The following ZC3H12B variants were observed in gnomAD, a reference collection of about 807,000 sequenced individuals.
The protein encoded by ZC3H12B is zinc finger CCCH-type containing 12B.
A neutral mutation model predicts 43.9 loss-of-function variants in ZC3H12B; 7 were observed. The observed-to-expected ratio is 0.16, with a 90% CI of 0.09 to 0.30. ZC3H12B has a LOEUF of 0.30. ZC3H12B is among the 10% of genes least tolerant of loss of function. The pLI, the probability that ZC3H12B is intolerant of heterozygous loss-of-function variation, is 1.00. For missense variants in ZC3H12B, 475 were observed against 670.2 expected (o/e 0.71, Z 3.22); for synonymous variants, 222 against 241.7 (o/e 0.92, Z 0.76).
intron 3 of ZC3H12B, among the ~76,000 whole-genome samples, chrX:65,421,302 G>A (rs2067014383): frequency 8.9e-6 from 1 of 112,131 alleles, no homozygotes; most frequent in Admixed American, 9.4e-5. Flanking sequence ...GGTCATGATG[G>A]TAGGAGTAGA....
the ZC3H12B span, among the ~76,000 whole-genome samples, chrX:65,048,983 A>C: frequency 9.0e-6 from 1 of 111,560 alleles, no homozygotes; most frequent in African/African-American, 3.2e-5. Flanking sequence ...TCTTTGGAGA[A>C]ATATCTATTC....
At chrX:65,043,436 A>G in the ZC3H12B span, among the ~76,000 whole-genome samples, 1 of 110,867 alleles carries the variant, frequency 9.0e-6, no homozygotes, top group Non-Finnish European at 1.9e-5. Flanking sequence ...TTATAAAAAT[A>G]TGAAAACATC....
the ZC3H12B span, among the ~76,000 whole-genome samples, chrX:65,126,574 A>G: frequency 6.3e-5 from 7 of 111,137 alleles, no homozygotes; most frequent in African/African-American, 2.0e-4. Flanking sequence ...TATTCCCTCA[A>G]ATATTTTTTT....
the ZC3H12B span, among the ~76,000 whole-genome samples, chrX:65,119,816 T>C: frequency 1.8e-5 from 2 of 112,116 alleles, no homozygotes; most frequent in African/African-American, 6.5e-5. Flanking sequence ...CCTGAATTAA[T>C]TTTTGTATAA....
intron 3 of ZC3H12B, among the ~76,000 whole-genome samples, chrX:65,452,025 T>C (rs751703197): frequency 2.6e-4 from 29 of 111,586 alleles, no homozygotes; most frequent in Non-Finnish European, 4.5e-4. Flanking sequence ...GATTTCAAAG[T>C]AAATCTTGAA....
At chrX:65,120,361 A>T in the ZC3H12B span, among the ~76,000 whole-genome samples, 18 of 111,512 alleles carry the variant, frequency 1.6e-4, no homozygotes, top group South Asian at 6.7e-3. Flanking sequence ...GAGGTTTTTC[A>T]CATCACTTGT....
rs149797342 is a variant in ZC3H12B, at chrX:65,420,664, G to C, written n.407+21960G>C. Among the ~76,000 whole-genome samples the C allele has an allele frequency of 2.2e-4, 24 of 111,438 alleles. No homozygotes were observed. The East Asian group carries it at 6.2e-3, about 29-fold the overall frequency. ...TGCCTGTCAATTGAAGAAGATCAGT[G>C]AGCTCCAAAAGCACACAAATAGACA... On this transcript the variant is annotated intron_variant and non_coding_transcript_variant, in intron 3 of 5. Transcript: ENST00000617377.
the ZC3H12B span, among the ~76,000 whole-genome samples, chrX:65,163,417 C>G: frequency 3.6e-5 from 4 of 111,518 alleles, no homozygotes; most frequent in African/African-American, 1.3e-4. Context: ...CTGTGGTGGG[C>G]TCCACCCAGT....
At chrX:65,450,865 A>G (rs1275565966) in intron 3 of ZC3H12B, among the ~76,000 whole-genome samples, 3 of 90,718 alleles carry the variant, frequency 3.3e-5, no homozygotes, top group Admixed American at 1.3e-4. Flanking sequence ...ATGTGTATAT[A>G]TGTATATATA....
intron 1 of ZC3H12B, among the ~76,000 whole-genome samples, chrX:65,367,105 G>A (rs187132084): frequency 8.9e-6 from 1 of 112,097 alleles, no homozygotes; most frequent in East Asian, 2.8e-4. Context: ...TTTCTTCTTA[G>A]TGTCCTTCCT....
At chrX:65,142,873 C>T in the ZC3H12B span, among the ~76,000 whole-genome samples, 2 of 112,261 alleles carry the variant, frequency 1.8e-5, no homozygotes, top group African/African-American at 6.5e-5. Context: ...TATTTTTATA[C>T]CAGTACCATA....
chrX:65,367,914 T>C (rs1161360634), intron 1 of ZC3H12B, among the ~76,000 whole-genome samples: 1 of 111,149 alleles, frequency 9.0e-6, no homozygotes, highest in Non-Finnish European at 1.9e-5. Context: ...ACTATACTAC[T>C]AAAAGTAATC....
At chrX:65,339,211 C>G in the ZC3H12B span, among the ~76,000 whole-genome samples, 1 of 110,928 alleles carries the variant, frequency 9.0e-6, no homozygotes, top group Non-Finnish European at 1.9e-5. Context: ...ACACTTCTAA[C>G]AGATCTCCAG....
intron 1 of ZC3H12B, among the ~76,000 whole-genome samples, chrX:65,494,783 AAAATAAAT>A (rs59246172): frequency 0.021 from 2,154 of 101,043 alleles, 24 homozygotes; most frequent in Non-Finnish European, 0.027. Context: ...TCTGTCCCAA[AAAATAAAT>A]AAATAAATAA....
chrX:65,128,815 A>C, the ZC3H12B span, among the ~76,000 whole-genome samples: 3 of 111,907 alleles, frequency 2.7e-5, no homozygotes, highest in East Asian at 8.4e-4. Context: ...TTTGTCTCTC[A>C]TATTTTCTTT....
chrX:65,502,827 A>G, exon 5 of ZC3H12B: 1 of 1,210,269 alleles, frequency 8.3e-7, no homozygotes, highest in Non-Finnish European at 1.1e-6. Flanking sequence ...TCCCGCCTCT[A>G]TGAGAGCAAC....
the ZC3H12B span, among the ~76,000 whole-genome samples, chrX:65,145,240 C>CTTT: frequency 2.0e-5 from 2 of 98,566 alleles, no homozygotes; most frequent in South Asian, 4.9e-4. Context: ...TCTTCGTTTT[C>CTTT]TTTTTTTTTT....
the ZC3H12B span, among the ~76,000 whole-genome samples, chrX:65,269,400 A>G: frequency 9.0e-6 from 1 of 111,243 alleles, no homozygotes; most frequent in Non-Finnish European, 1.9e-5. Context: ...AATCACTATT[A>G]TCTCTATACA....
chrX:65,160,053 G>T, the ZC3H12B span, among the ~76,000 whole-genome samples: 1 of 112,100 alleles, frequency 8.9e-6, no homozygotes, highest in Non-Finnish European at 1.9e-5. Context: ...CGGATTATAT[G>T]TTGGATTACA....
Sources: allele counts gnomAD v4.1 joint callset (sites outside exome capture counted in the v4.1 genomes callset), GRCh38; gene constraint gnomAD v4.1.1; transcripts MANE v1.5; gene names NCBI Gene and HGNC (gene_info 2026-07-23, HGNC 2026-07-21).